Variants in DIAPH3 observed in about 807,000 individuals in gnomAD.
DIAPH3 encodes the protein diaphanous related formin 3, also known as protein diaphanous homolog 3.
DIAPH3 carries 117 observed loss-of-function variants against 144.3 expected under a neutral mutation model. The observed-to-expected ratio is 0.81, with a 90% CI of 0.70 to 0.95. DIAPH3 has a LOEUF of 0.95. DIAPH3 is among the 40% of genes least tolerant of loss of function. The probability of loss-of-function intolerance (pLI) is 0.00; values close to 1 mark genes in which losing one functional copy is unlikely to be tolerated. For synonymous variants in DIAPH3, 519 were observed against 488.9 expected (o/e 1.06, Z -0.81); for missense variants, 1,421 against 1,412.7 (o/e 1.01, Z -0.09).
intron 9 of DIAPH3, among the ~76,000 whole-genome samples, chr13:60,008,099 A>G (rs1313430553): frequency 6.6e-6 from 1 of 152,180 alleles, no homozygotes; most frequent in African/African-American, 2.4e-5. Context: ...TCTATATTCT[A>G]AAAATAATGC....
At chr13:59,980,911 A>T in intron 13 of DIAPH3, 52 bp from the exon 14 acceptor site, 1 of 1,446,124 alleles carries the variant, frequency 6.9e-7, no homozygotes, top group Non-Finnish European at 9.6e-7. Flanking sequence ...TAAACTCATT[A>T]TGACTTCAAA....
chr13:59,666,694 A>G lies in DIAPH3; in HGVS notation c.3472T>C (p.Cys1158Arg), dbSNP rs767517331. 21 of 1,614,006 alleles carry G rather than the reference A, an allele frequency of 1.3e-5. No individual in the cohort carries two copies. The highest frequency in any genetic ancestry group is 1.6e-4 in the Middle Eastern group (1 of 6,082). Residue 1158 changes from cysteine to arginine, a missense_variant, in exon 28 of 28, where the codon TGT becomes CGT. Physicochemically the swap from Cys to Arg is radical, Grantham distance 180. Coordinates refer to ENST00000400324, the MANE Select transcript of DIAPH3 (RefSeq NM_001042517.2). The part of the protein sequence containing the change: ...RIKAAEKKEA[C>R]NVESNRKKET... ...TTTTTTCTGTTGCTTTCTACATTAC[A>G]CGCTTCCTTCTTCTCAGCTGCCTTG...
intron 17 of DIAPH3, among the ~76,000 whole-genome samples, chr13:59,938,258 T>C (rs903600018): frequency 6.6e-5 from 10 of 152,170 alleles, no homozygotes; most frequent in Non-Finnish European, 5.9e-5. Context: ...TTAAAATTTG[T>C]AGTTCTATGT....
chr13:59,983,682 G>C, intron 13 of DIAPH3, 87 bp downstream of exon 13: 1 of 891,686 alleles, frequency 1.1e-6, no homozygotes, highest in Non-Finnish European at 1.8e-6. Context: ...CAGGAGTCCA[G>C]AGACACAACC....
At chr13:59,834,890 A>G (rs1265220222) in intron 23 of DIAPH3, among the ~76,000 whole-genome samples, 1 of 151,736 alleles carries the variant, frequency 6.6e-6, no homozygotes, top group Non-Finnish European at 1.5e-5. Flanking sequence ...TTCTACTAGA[A>G]TCACTGTCAT....
At chr13:59,708,208 G>A (rs918764529) in intron 27 of DIAPH3, among the ~76,000 whole-genome samples, 70 of 151,980 alleles carry the variant, frequency 4.6e-4, no homozygotes, top group African/African-American at 1.5e-3. Context: ...GACAACAGGT[G>A]AGAGCCACCA....
chr13:59,877,512 G>A (rs748108327), intron 21 of DIAPH3, among the ~76,000 whole-genome samples: 1 of 152,118 alleles, frequency 6.6e-6, no homozygotes, highest in African/African-American at 2.4e-5. Flanking sequence ...GGCATGTGGC[G>A]AGTGTGACTG....
At chr13:59,765,552 A>G (rs2037825968) in intron 27 of DIAPH3, among the ~76,000 whole-genome samples, 1 of 152,144 alleles carries the variant, frequency 6.6e-6, no homozygotes, top group South Asian at 2.1e-4. Flanking sequence ...AAGAATTTAA[A>G]CCAGACCTGT....
At chr13:59,925,575 G>T (rs1248267291) in intron 17 of DIAPH3, among the ~76,000 whole-genome samples, 1 of 152,130 alleles carries the variant, frequency 6.6e-6, no homozygotes, top group Non-Finnish European at 1.5e-5. Flanking sequence ...TGTAGCATGA[G>T]TTAGGAAGAA....
At chr13:59,845,856 C>T (rs2042601074) in intron 22 of DIAPH3, among the ~76,000 whole-genome samples, 2 of 152,206 alleles carry the variant, frequency 1.3e-5, no homozygotes, top group Admixed American at 6.5e-5. Flanking sequence ...CTGGGAATTC[C>T]TTAAGATAAG....
chr13:59,728,444 A>G (rs2138960563), intron 27 of DIAPH3, among the ~76,000 whole-genome samples: 1 of 152,236 alleles, frequency 6.6e-6, no homozygotes, highest in African/African-American at 2.4e-5. Context: ...AAAGATATAA[A>G]GAGATTTAAG....
intron 5 of DIAPH3, among the ~76,000 whole-genome samples, chr13:60,028,769 G>A (rs1397185925): frequency 6.6e-6 from 1 of 152,042 alleles, no homozygotes; most frequent in Admixed American, 6.6e-5. Flanking sequence ...TGTTAAAAAG[G>A]GATATTTTTG....
intron 4 of DIAPH3, among the ~76,000 whole-genome samples, chr13:60,063,619 C>T (rs2056850239): frequency 6.6e-6 from 1 of 152,054 alleles, no homozygotes; most frequent in African/African-American, 2.4e-5. Flanking sequence ...ATGTTGTGTT[C>T]ACATGCATAA....
intron 1 of DIAPH3, among the ~76,000 whole-genome samples, chr13:60,156,939 A>ATATATATATATATTTTTTTT (rs1337230427): frequency 8.5e-5 from 7 of 82,044 alleles, no homozygotes; most frequent in African/African-American, 3.2e-4. Context: ...ATATATATAT[A>ATATATATATATATTTTTTTT]TTTTTTTTTT....
chr13:59,672,812 TA>T (rs2032449749), intron 27 of DIAPH3, among the ~76,000 whole-genome samples: 1 of 152,222 alleles, frequency 6.6e-6, no homozygotes, highest in Non-Finnish European at 1.5e-5. Flanking sequence ...TAAAATCTTT[TA>T]GGGGTGCCAG....
intron 21 of DIAPH3, among the ~76,000 whole-genome samples, chr13:59,865,623 A>G (rs2043871663): frequency 6.6e-6 from 1 of 152,038 alleles, no homozygotes; most frequent in South Asian, 2.1e-4. Context: ...CAAATAAACA[A>G]AAGATGGATG....
Position 60,163,596 on chromosome 13 carries a change from G to C in DIAPH3, c.171C>G (p.Arg57=), listed in dbSNP as rs1002622955. 5 of 1,590,592 alleles carry C rather than the reference G, an allele frequency of 3.1e-6. No individual in the cohort carries two copies. The Admixed American group carries it at 5.1e-5, about 16-fold the overall frequency. The change falls in exon 1 of 28, where the codon CGC becomes CGG. Residue 57 remains arginine, a synonymous_variant. Coordinates refer to ENST00000400324, the MANE Select transcript of DIAPH3 (RefSeq NM_001042517.2). ...PSGPEEPGEK[R]PKFHLNIRTL... ...TCCAGGCGATACTCACAAACTTGGG[G>C]CGCTTCTCCCCAGGCTCCTCGGGGC...
chr13:59,922,336 T>C (rs924872772), intron 18 of DIAPH3, among the ~76,000 whole-genome samples: 1 of 152,102 alleles, frequency 6.6e-6, no homozygotes, highest in Non-Finnish European at 1.5e-5. Flanking sequence ...CTCTTGATCC[T>C]AGTGTCTGGA....
At chr13:59,840,843 C>G (rs950685090) in intron 22 of DIAPH3, among the ~76,000 whole-genome samples, 7 of 151,810 alleles carry the variant, frequency 4.6e-5, no homozygotes, top group Non-Finnish European at 7.4e-5. Flanking sequence ...TCACGTATTC[C>G]CTTTCTGTGA....
Sources: allele counts gnomAD v4.1 joint callset (sites outside exome capture counted in the v4.1 genomes callset), GRCh38; gene constraint gnomAD v4.1.1; transcripts MANE v1.5; gene names NCBI Gene and HGNC (gene_info 2026-07-23, HGNC 2026-07-21).